The following DAB1 variants were observed in gnomAD, a reference collection of about 807,000 sequenced individuals.
DAB1 encodes DAB adaptor protein 1, also known as disabled homolog 1.
Under a neutral mutation model 64.6 loss-of-function variants are expected in DAB1, and 15 were observed. The observed-to-expected ratio is 0.23, with a 90% CI of 0.16 to 0.36. The LOEUF is 0.36. Among genes scored for constraint, DAB1 ranks in the 10% least tolerant of loss-of-function variants. The pLI is 1.00. For synonymous variants in DAB1, 235 were observed against 251.9 expected (o/e 0.93, Z 0.64); for missense variants, 596 against 706.7 (o/e 0.84, Z 1.78).
chr1:57,677,133 A>C (rs554926085), intron 6 of DAB1, among the ~76,000 whole-genome samples: 1 of 152,314 alleles, frequency 6.6e-6, no homozygotes, highest in Non-Finnish European at 1.5e-5. Flanking sequence ...CCACCATGTA[A>C]GAACACAGCA....
chr1:57,554,481 T>C (rs1644964223), intron 7 of DAB1, among the ~76,000 whole-genome samples: 1 of 152,140 alleles, frequency 6.6e-6, no homozygotes, highest in Admixed American at 6.6e-5. Context: ...CTTGTTTGTG[T>C]TGTTTTTGTC....
chr1:57,610,613 C>T (rs1400920987), intron 7 of DAB1, among the ~76,000 whole-genome samples: 1 of 152,166 alleles, frequency 6.6e-6, no homozygotes, highest in Non-Finnish European at 1.5e-5. Context: ...TTAATTGACT[C>T]ACATGGCTGG....
intron 3 of DAB1, among the ~76,000 whole-genome samples, chr1:58,434,219 A>G (rs1644916198): frequency 6.6e-6 from 1 of 152,188 alleles, no homozygotes; most frequent in Non-Finnish European, 1.5e-5. Flanking sequence ...GTTAAGGGGC[A>G]AGGAAAGGCA....
intron 2 of DAB1, among the ~76,000 whole-genome samples, chr1:57,201,377 C>A (rs1665083109): frequency 6.6e-6 from 1 of 151,688 alleles, no homozygotes; most frequent in Non-Finnish European, 1.5e-5. Context: ...TCCTTTAAGA[C>A]CCAGGACACA....
At chr1:57,194,886 A>T (rs971000158) in intron 2 of DAB1, among the ~76,000 whole-genome samples, 2 of 152,238 alleles carry the variant, frequency 1.3e-5, no homozygotes, top group Admixed American at 6.5e-5. Context: ...CAACCAACAC[A>T]GCATCCTGAG....
intron 4 of DAB1, among the ~76,000 whole-genome samples, chr1:58,219,680 T>G (rs1659053573): frequency 6.6e-6 from 1 of 152,176 alleles, no homozygotes; most frequent in Admixed American, 6.5e-5. Flanking sequence ...ACTGAGGAAA[T>G]CTTCCCTGGC....
intron 7 of DAB1, among the ~76,000 whole-genome samples, chr1:57,429,309 G>A (rs1685413513): frequency 6.6e-6 from 1 of 152,050 alleles, no homozygotes; most frequent in Non-Finnish European, 1.5e-5. Context: ...GTCCATTCAG[G>A]TCCTTTGCCC....
intron 6 of DAB1, among the ~76,000 whole-genome samples, chr1:57,713,964 A>C (rs1163867802): frequency 6.6e-6 from 1 of 152,142 alleles, no homozygotes. Context: ...TTCCACCTAC[A>C]TCTGTTCCTA....
At chr1:57,335,332 T>C (rs540597480) in intron 1 of DAB1, among the ~76,000 whole-genome samples, 1 of 152,242 alleles carries the variant, frequency 6.6e-6, no homozygotes, top group South Asian at 2.1e-4. Context: ...AATGCTAACA[T>C]GCTGACTGCC....
intron 1 of DAB1, among the ~76,000 whole-genome samples, chr1:57,391,827 G>T (rs1682400903): frequency 6.6e-6 from 1 of 151,600 alleles, no homozygotes; most frequent in East Asian, 1.9e-4. Context: ...AGAGGAGAGA[G>T]AGAGAAGAGG....
Position 57,869,360 on chromosome 1 carries a change from T to C in DAB1, n.87+14639A>G, listed in dbSNP as rs539139816. ...ACAGACAAAACCAAGTTAATGTTCA[T>C]CCTTGTATCTCCAGTTTCAAGGTCA... is the stretch of plus-strand genomic sequence containing the variant. On this transcript the variant is annotated intron_variant and non_coding_transcript_variant, in intron 1 of 1. Coordinates refer to the DAB1 transcript ENST00000477280. Among the ~76,000 whole-genome samples, 30 of 152,252 alleles carry C rather than the reference T, an allele frequency of 2.0e-4. No homozygotes were observed. The South Asian group carries it at 6.2e-3, about 32-fold the overall frequency.
At chr1:58,002,711 C>T (rs1646524880) in intron 5 of DAB1, among the ~76,000 whole-genome samples, 1 of 151,918 alleles carries the variant, frequency 6.6e-6, no homozygotes, top group African/African-American at 2.4e-5. Flanking sequence ...AGAGAAGAAT[C>T]CACAACATTC....
At chr1:57,692,538 G>A (rs2101715528) in intron 6 of DAB1, among the ~76,000 whole-genome samples, 1 of 152,216 alleles carries the variant, frequency 6.6e-6, no homozygotes, top group East Asian at 1.9e-4. Flanking sequence ...GAGAGACAAA[G>A]AAGAAGTCAA....
At chr1:57,517,710 C>T (rs951047721) in intron 7 of DAB1, among the ~76,000 whole-genome samples, 1 of 152,194 alleles carries the variant, frequency 6.6e-6, no homozygotes, top group African/African-American at 2.4e-5. Flanking sequence ...AGTGTTTAAA[C>T]AGAAATCCCC....
chr1:58,438,970 C>T (rs1024624204), intron 3 of DAB1, among the ~76,000 whole-genome samples: 3 of 151,888 alleles, frequency 2.0e-5, no homozygotes, highest in Non-Finnish European at 4.4e-5. Context: ...GGCAGTGTGA[C>T]GTAGGGAGGG....
At chr1:57,704,708 A>G (rs1258993470) in intron 6 of DAB1, among the ~76,000 whole-genome samples, 1 of 152,142 alleles carries the variant, frequency 6.6e-6, no homozygotes, top group African/African-American at 2.4e-5. Flanking sequence ...TGTGTTGACC[A>G]ATATGTAATT....
intron 1 of DAB1, among the ~76,000 whole-genome samples, chr1:57,329,919 T>C (rs1434257958): frequency 1.3e-5 from 2 of 152,200 alleles, no homozygotes; most frequent in Non-Finnish European, 2.9e-5. Context: ...CATTAACCCA[T>C]CAAGAAATAT....
intron 4 of DAB1, among the ~76,000 whole-genome samples, chr1:57,079,574 T>C (rs1366296309): frequency 6.6e-6 from 1 of 152,158 alleles, no homozygotes; most frequent in Admixed American, 6.5e-5. Context: ...CAGCAAAAGC[T>C]TCCCATGGCT....
Position 58,148,781 on chromosome 1 carries a change from C to T in DAB1, n.387+1730G>A, listed in dbSNP as rs551212474. On this transcript the variant is annotated intron_variant and non_coding_transcript_variant, in intron 5 of 20. Transcript: ENST00000485760. Reference sequence around the variant, plus strand: ...AGAGCAGCACAGAAATCACACCCCCCCCCCAACCTCATGATTCAATTACTT... The same window carrying T: ...AGAGCAGCACAGAAATCACACCCCCTCCCCAACCTCATGATTCAATTACTT... Among the ~76,000 whole-genome samples the T allele has an allele frequency of 2.6e-4, 39 of 152,120 alleles. No homozygotes were observed. In the South Asian group the frequency reaches 6.4e-3, roughly 25 times the overall value.
Sources: allele counts gnomAD v4.1 joint callset (sites outside exome capture counted in the v4.1 genomes callset), GRCh38; gene constraint gnomAD v4.1.1; transcripts MANE v1.5; gene names NCBI Gene and HGNC (gene_info 2026-07-23, HGNC 2026-07-21).